Variants in GLMN observed in about 807,000 individuals in gnomAD.
GLMN encodes the protein glomulin, FKBP associated protein, also known as glomulin.
Under a neutral mutation model 87.8 loss-of-function variants are expected in GLMN, and 75 were observed. The ratio of observed to expected loss-of-function variants is 0.85; its 90% confidence interval spans 0.71 to 1.04. The LOEUF is 1.04. Ranked by LOEUF, GLMN falls within the 50% of genes least tolerant of loss-of-function variation. The pLI is 0.00. For synonymous variants in GLMN, 206 were observed against 221.6 expected (o/e 0.93, Z 0.63); for missense variants, 588 against 658.8 (o/e 0.89, Z 1.18).
the GLMN span, among the ~76,000 whole-genome samples, chr1:92,366,740 G>A: frequency 6.6e-6 from 1 of 152,258 alleles, no homozygotes; most frequent in Middle Eastern, 3.4e-3. Context: ...AATTCCTTTT[G>A]AAAGTATATA....
intron 13 of GLMN, among the ~76,000 whole-genome samples, chr1:92,265,353 G>C (rs1655501361): frequency 6.6e-6 from 1 of 150,570 alleles, no homozygotes; most frequent in Admixed American, 6.6e-5. Context: ...GATATGACTA[G>C]CTTAAGAAAA....
chr1:92,338,695 G>A, the GLMN span, among the ~76,000 whole-genome samples: 2 of 149,026 alleles, frequency 1.3e-5, no homozygotes, highest in Non-Finnish European at 3.0e-5. Flanking sequence ...CAGTTGCCCA[G>A]GCTGGAGTTC....
chr1:92,292,428 T>A (rs1038479401), intron 3 of GLMN, among the ~76,000 whole-genome samples: 1 of 151,928 alleles, frequency 6.6e-6, no homozygotes, highest in Non-Finnish European at 1.5e-5. Context: ...TTATTTATTT[T>A]GAAACTGAGT....
At chr1:92,278,090 T>C (rs539688713) in intron 7 of GLMN, among the ~76,000 whole-genome samples, 1 of 152,276 alleles carries the variant, frequency 6.6e-6, no homozygotes, top group South Asian at 2.1e-4. Context: ...AACTGCTTGC[T>C]TGCTTGCCGT....
the GLMN span, among the ~76,000 whole-genome samples, chr1:92,367,680 A>G: frequency 2.0e-5 from 3 of 152,246 alleles, no homozygotes; most frequent in Non-Finnish European, 4.4e-5. Context: ...TGATAGGTAC[A>G]GAAAAGTGTG....
chr1:92,300,572 C>T (rs1650766239), upstream of GLMN, among the ~76,000 whole-genome samples: 1 of 152,162 alleles, frequency 6.6e-6, no homozygotes, highest in African/African-American at 2.4e-5. Flanking sequence ...CTCCAAGAAA[C>T]CTTTTCTGTT....
At chr1:92,252,044 C>T (rs141025295) in intron 16 of GLMN, among the ~76,000 whole-genome samples, 1,558 of 151,968 alleles carry the variant, frequency 0.01, 25 homozygotes, top group African/African-American at 0.036. Context: ...GTGATCTGCC[C>T]GCCTCAGCCT....
upstream of GLMN, chr1:92,301,503 AAAG>A: frequency 6.3e-7 from 1 of 1,594,160 alleles, no homozygotes; most frequent in East Asian, 2.3e-5. Context: ...CAGCTGTGAG[AAAG>A]AAGATTGAAT....
intron 7 of GLMN, among the ~76,000 whole-genome samples, chr1:92,282,139 A>G (rs1648135772): frequency 6.6e-6 from 1 of 152,240 alleles, no homozygotes; most frequent in African/African-American, 2.4e-5. Context: ...AGACATCTAC[A>G]GAACTCTCCA....
At chr1:92,259,242 ATAAT>A (rs1405821839) in intron 16 of GLMN, among the ~76,000 whole-genome samples, 2 of 152,212 alleles carry the variant, frequency 1.3e-5, no homozygotes, top group Non-Finnish European at 2.9e-5. Context: ...GAAACAACTA[ATAAT>A]TATTTAAAGA....
At chr1:92,262,523 C>T (rs1441028029) in intron 16 of GLMN, among the ~76,000 whole-genome samples, 1 of 152,152 alleles carries the variant, frequency 6.6e-6, no homozygotes, top group East Asian at 1.9e-4. Context: ...TTATACAGCT[C>T]ATGAGCTATA....
chr1:92,333,338 G>C, the GLMN span: 1 of 1,407,976 alleles, frequency 7.1e-7, no homozygotes, highest in Non-Finnish European at 1.0e-6. Flanking sequence ...GCTTATCAAA[G>C]AAAGAATGTA....
chr1:92,262,982 T>C (rs1315561294), intron 15 of GLMN, 56 bp from the exon 16 acceptor site: 2 of 743,890 alleles, frequency 2.7e-6, no homozygotes, highest in Admixed American at 1.9e-5. Flanking sequence ...TCAACAGCAA[T>C]CTCAATAAGC....
chr1:92,316,550 TC>T, the GLMN span, among the ~76,000 whole-genome samples: 13 of 152,346 alleles, frequency 8.5e-5, no homozygotes, highest in South Asian at 2.7e-3. Context: ...AAACCAATCA[TC>T]TAATTTATAC....
chr1:92,271,517 A>G lies in GLMN; in HGVS notation c.871T>C (p.Tyr291His), dbSNP rs113980193. Residue 291 changes from tyrosine (Y) to histidine (H), a missense_variant, in exon 8 of 19, where the codon TAT (tyrosine) becomes CAT (histidine). Tyr to His is a moderately conservative substitution (Grantham distance 83). Transcript: ENST00000370360. ...QLADSMASLA[Y>H]LVFVQGIHID... ...TGGATGCCCTGTACAAATACTAGAT[A>G]TGCCAGAGAAGCCATTGAGTCTGCT... The G allele has an allele frequency of 6.2e-7, 1 of 1,613,112 alleles. No homozygotes were observed. Among genetic ancestry groups the G allele is most frequent in the Non-Finnish European group, 8.5e-7 (1 of 1,179,132 alleles).
chr1:92,268,614 T>TA (rs1164645768), intron 9 of GLMN, among the ~76,000 whole-genome samples: 2 of 152,220 alleles, frequency 1.3e-5, no homozygotes, highest in African/African-American at 4.8e-5. Context: ...CATTAAAACA[T>TA]ACATAATACA....
the GLMN span, among the ~76,000 whole-genome samples, chr1:92,367,558 A>G: frequency 1.4e-4 from 21 of 152,290 alleles, no homozygotes; most frequent in African/African-American, 4.6e-4. Context: ...TTTCAGCCCA[A>G]TGTTATCTTT....
the GLMN span, chr1:92,333,148 ATTAATATCCC>A: frequency 4.5e-6 from 2 of 440,404 alleles, no homozygotes; most frequent in Admixed American, 7.4e-5. Flanking sequence ...TAAAGGAGGT[ATTAATATCCC>A]AATTATAAAG....
chr1:92,287,169 G>A (rs974708818), intron 6 of GLMN, among the ~76,000 whole-genome samples: 2 of 152,112 alleles, frequency 1.3e-5, no homozygotes, highest in Non-Finnish European at 1.5e-5. Context: ...GAGGGCTGGT[G>A]CTAGTCTATG....
Sources: gnomAD v4.1 joint callset for allele counts (sites outside exome capture counted in the v4.1 genomes callset) on GRCh38, gnomAD v4.1.1 for gene constraint, MANE v1.5 for transcripts, NCBI Gene and HGNC (gene_info 2026-07-23, HGNC 2026-07-21) for gene names.